The following ADAMTS17 variants were observed in gnomAD, a reference collection of about 807,000 sequenced individuals.
ADAMTS17 encodes the protein A disintegrin and metalloproteinase with thrombospondin motifs 17.
In ADAMTS17, 113 loss-of-function variants were observed where a neutral mutation model predicts 141.5. That is an observed-to-expected ratio of 0.80 (90% CI 0.69 to 0.93). ADAMTS17 has a LOEUF of 0.93. ADAMTS17 is among the 40% of genes least tolerant of loss of function. The pLI is 0.00. For missense variants in ADAMTS17, 1,659 were observed against 1,517.9 expected (o/e 1.09, Z -1.54); for synonymous variants, 768 against 630.6 (o/e 1.22, Z -3.27).
At chr15:100,014,792 C>G (rs1376909513) in intron 18 of ADAMTS17, among the ~76,000 whole-genome samples, 1 of 152,124 alleles carries the variant, frequency 6.6e-6, no homozygotes, top group African/African-American at 2.4e-5. Context: ...TACGGTCTAT[C>G]TTGGAGAAAG....
chr15:100,140,369 T>C (rs1305448814), intron 10 of ADAMTS17, among the ~76,000 whole-genome samples: 2 of 151,872 alleles, frequency 1.3e-5, no homozygotes, highest in African/African-American at 4.8e-5. Flanking sequence ...AGAGTTACAA[T>C]TGTCTTACAA....
chr15:100,218,244 C>T (rs1040169936), intron 7 of ADAMTS17, among the ~76,000 whole-genome samples: 2 of 152,202 alleles, frequency 1.3e-5, no homozygotes, highest in Non-Finnish European at 2.9e-5. Flanking sequence ...TGCTAACTAG[C>T]CTGATTTGAT....
intron 18 of ADAMTS17, among the ~76,000 whole-genome samples, chr15:100,012,861 A>T (rs1443692115): frequency 1.3e-5 from 2 of 152,162 alleles, no homozygotes; most frequent in African/African-American, 4.8e-5. Flanking sequence ...TGCTTTGGCT[A>T]TGCAGGCTCT....
intron 19 of ADAMTS17, among the ~76,000 whole-genome samples, chr15:99,996,594 C>G (rs1463481800): frequency 2.0e-5 from 3 of 152,202 alleles, no homozygotes; most frequent in African/African-American, 7.2e-5. Context: ...CAATGGCAGA[C>G]TTTTCCTTCA....
At chr15:100,115,249 C>G (rs2037041548) in intron 13 of ADAMTS17, among the ~76,000 whole-genome samples, 1 of 152,230 alleles carries the variant, frequency 6.6e-6, no homozygotes, top group South Asian at 2.1e-4. Flanking sequence ...CTGCATCCGA[C>G]TCACAGCCAG....
In ADAMTS17 at chr15:100,027,908, C is replaced by T. The variant is rs772686636; in HGVS notation, c.2591+20949G>A. On this transcript the variant is annotated intron_variant, in intron 18 of 21. Transcript: ENST00000268070. ...GGGCTGGGGAGTAGAATGAGTGCCC[C>T]GTTCTGAGACGAGTCCTACCACTTG... 6.8e-4 allele frequency among the ~76,000 whole-genome samples: 104 copies of T among 152,082 alleles called. 1 individual carries two copies. The highest frequency in any genetic ancestry group is 5.6e-4 in the Non-Finnish European group (38 of 67,998).
At chr15:100,277,023 C>G (rs147827005) in intron 4 of ADAMTS17, among the ~76,000 whole-genome samples, 44 of 152,136 alleles carry the variant, frequency 2.9e-4, no homozygotes, top group African/African-American at 9.9e-4. Context: ...CGGTGTGAGC[C>G]CCCCTGTGCA....
intron 14 of ADAMTS17, among the ~76,000 whole-genome samples, chr15:100,106,881 G>A (rs2036444574): frequency 6.6e-6 from 1 of 152,218 alleles, no homozygotes; most frequent in South Asian, 2.1e-4. Flanking sequence ...CCGACGGGCA[G>A]GGCCTTGGAC....
Position 99,993,883 on chromosome 15 carries a change from G to T in ADAMTS17, c.2797-683C>A, listed in dbSNP as rs1380514015. On this transcript the variant is annotated intron_variant, in intron 19 of 21. Coordinates refer to ENST00000268070, the MANE Select transcript of ADAMTS17 (RefSeq NM_139057.4). This position sits in a 1 kb window ranked among gnomAD's most constrained non-coding sequence, Gnocchi z 4.3. ...AAGGGGCAGTGGGGATGGGACCTGG[G>T]CAGGGCCTGGGGGTGATGAATGATG... 6.6e-6 allele frequency among the ~76,000 whole-genome samples: 1 copy of T among 152,180 alleles called. No homozygotes were observed. Among genetic ancestry groups the T allele is most frequent in the Non-Finnish European group, 1.5e-5 (1 of 68,038 alleles).
At chr15:100,005,350 C>A (rs968085927) in intron 18 of ADAMTS17, among the ~76,000 whole-genome samples, 1 of 152,192 alleles carries the variant, frequency 6.6e-6, no homozygotes, top group African/African-American at 2.4e-5. Flanking sequence ...TCTCTCAAAT[C>A]TAAAACCAGG....
At chr15:100,095,501 T>C (rs1484994418) in intron 15 of ADAMTS17, among the ~76,000 whole-genome samples, 2 of 152,222 alleles carry the variant, frequency 1.3e-5, no homozygotes, top group Non-Finnish European at 2.9e-5. Flanking sequence ...TGGGGGAAAA[T>C]GAACTGAGAA....
At chr15:100,191,423 T>C (rs1306421548) in intron 8 of ADAMTS17, among the ~76,000 whole-genome samples, 1 of 152,304 alleles carries the variant, frequency 6.6e-6, no homozygotes, top group South Asian at 2.1e-4. Flanking sequence ...AATGGCTTTC[T>C]GTTTGAGTTT....
chr15:100,227,836 C>T (rs2042358057), intron 7 of ADAMTS17, among the ~76,000 whole-genome samples: 2 of 152,228 alleles, frequency 1.3e-5, no homozygotes, highest in African/African-American at 4.8e-5. Context: ...AGGGTGGGCA[C>T]ACAGCCCAGC....
intron 20 of ADAMTS17, chr15:99,978,479 T>G (rs569132218): frequency 6.6e-6 from 1 of 152,374 alleles, no homozygotes; most frequent in East Asian, 1.9e-4. Context: ...CCCTAGGGCC[T>G]CCCCACTTCA....
chr15:100,122,617 T>A (rs894823361), intron 12 of ADAMTS17, among the ~76,000 whole-genome samples: 1 of 152,204 alleles, frequency 6.6e-6, no homozygotes, highest in Non-Finnish European at 1.5e-5. Context: ...TAGCCTATTA[T>A]CAAATGGAAG....
At chr15:100,226,035 C>T (rs1360716412) in intron 7 of ADAMTS17, among the ~76,000 whole-genome samples, 5 of 150,186 alleles carry the variant, frequency 3.3e-5, no homozygotes, top group African/African-American at 7.4e-5. Context: ...CAGTCACAGC[C>T]TCTGTGCCCA....
At chr15:100,200,913 T>A (rs963042586) in intron 7 of ADAMTS17, among the ~76,000 whole-genome samples, 8 of 151,486 alleles carry the variant, frequency 5.3e-5, no homozygotes, top group African/African-American at 1.9e-4. Context: ...CTCTCCCCCA[T>A]GGCTGTCCCT....
intron 8 of ADAMTS17, among the ~76,000 whole-genome samples, chr15:100,177,769 A>G (rs191356160): frequency 6.6e-6 from 1 of 152,284 alleles, no homozygotes; most frequent in East Asian, 1.9e-4. Context: ...GGATTCATCT[A>G]GCTATAATTG....
At chr15:100,241,591 C>T (rs370342482) in intron 7 of ADAMTS17, among the ~76,000 whole-genome samples, 40 of 152,182 alleles carry the variant, frequency 2.6e-4, no homozygotes, top group Admixed American at 7.9e-4. Flanking sequence ...AGTCGGCCAA[C>T]GGAGAAAGAG....
Sources: gnomAD v4.1 joint callset for allele counts (sites outside exome capture counted in the v4.1 genomes callset) on GRCh38, gnomAD v4.1.1 for gene constraint, Gnocchi (gnomAD v3.1) non-coding constraint, MANE v1.5 for transcripts, NCBI Gene and HGNC (gene_info 2026-07-23, HGNC 2026-07-21) for gene names.